The following PHC1 variants were observed in gnomAD, a reference collection of about 807,000 sequenced individuals.
PHC1 encodes the protein polyhomeotic-like protein 1.
PHC1 carries 12 observed loss-of-function variants against 104.3 expected under a neutral mutation model. The observed-to-expected ratio is 0.12, with a 90% CI of 0.07 to 0.19. The LOEUF is 0.19. Ranked by LOEUF, PHC1 falls within the 10% of genes least tolerant of loss-of-function variation. The pLI is 1.00. For missense variants in PHC1, 671 were observed against 1,200.0 expected, an observed-to-expected ratio of 0.56 and a Z score of 6.51; for synonymous variants, 302 against 455.8, an observed-to-expected ratio of 0.66 and a Z score of 4.30.
At chr12:8,923,829 CAAAAA>C (rs67936637) in intron 6 of PHC1, among the ~76,000 whole-genome samples, 3 of 122,466 alleles carry the variant, frequency 2.4e-5, no homozygotes, top group African/African-American at 6.9e-5. Context: ...GACTCCGTCT[CAAAAA>C]AAAAAAAAAA....
Position 8,921,023 on chromosome 12 carries a change from C to A in PHC1, c.264C>A (p.Asn88Lys). The change falls in exon 4 of 15, where the codon AAC becomes AAA. Residue 88 changes from asparagine (N) to lysine (K), a missense_variant. Physicochemically the swap from Asn to Lys is moderately conservative, Grantham distance 94. This residue lies in a region of PHC1 where 237 missense variants were observed against 331.1 expected (regional missense o/e 0.72). Transcript: ENST00000544916. ...CCAGTCGGCAGGCCAGCTCCCCAAACACCAGCACTACACAGCAGCAGACTA... is the reference window on the plus strand; with the variant it reads ...CCAGTCGGCAGGCCAGCTCCCCAAAAACCAGCACTACACAGCAGCAGACTA... ...IAASRQASSPNTSTTQQQTTT... is the reference protein window; with the variant it reads ...IAASRQASSPKTSTTQQQTTT... The A allele has an allele frequency of 6.2e-7, 1 of 1,613,748 alleles. No individual in the cohort carries two copies. The highest frequency in any genetic ancestry group is 1.3e-5 in the African/African-American group (1 of 75,000).
intron 7 of PHC1, 98 bp downstream of exon 7, chr12:8,931,025 TC>T: frequency 7.9e-7 from 1 of 1,267,158 alleles, no homozygotes; most frequent in Non-Finnish European, 1.1e-6. Context: ...TTTTGTTTTT[TC>T]CCCGCTTCTG....
intron 7 of PHC1, 54 bp downstream of exon 7, chr12:8,930,981 C>G: frequency 1.3e-6 from 2 of 1,523,452 alleles, no homozygotes; most frequent in Non-Finnish European, 8.8e-7. Flanking sequence ...TGAAATTTTC[C>G]TTTTTTTCTT....
intron 11 of PHC1, among the ~76,000 whole-genome samples, 195 bp from the exon 12 acceptor site, chr12:8,936,661 G>A (rs780731654): frequency 2.6e-5 from 4 of 152,142 alleles, no homozygotes; most frequent in Non-Finnish European, 4.4e-5. Flanking sequence ...TTAGGAAGAC[G>A]TCATAAAGTT....
At chr12:8,937,020 C>A in intron 12 of PHC1, 56 bp downstream of exon 12, 1 of 1,402,200 alleles carries the variant, frequency 7.1e-7, no homozygotes, top group Non-Finnish European at 1.0e-6. Context: ...TCTAATGTTA[C>A]ACCCCTTCCC....
At chr12:8,930,182 A>C (rs1320578165) in intron 6 of PHC1, among the ~76,000 whole-genome samples, 1 of 152,190 alleles carries the variant, frequency 6.6e-6, no homozygotes, top group Non-Finnish European at 1.5e-5. Context: ...ATAATTGAAG[A>C]GATATTTTGA....
At chr12:8,915,364 C>T (rs1481790864) in intron 1 of PHC1, 2 of 152,330 alleles carry the variant, frequency 1.3e-5, no homozygotes, top group African/African-American at 2.4e-5. Flanking sequence ...TGATTATTAC[C>T]GTGTCTTTGG....
Position 8,939,372 on chromosome 12 carries a change from A to G in PHC1, c.2928A>G (p.Lys976=). 1 of 1,601,982 alleles carries G rather than the reference A, an allele frequency of 6.2e-7. No individual in the cohort carries two copies. Among genetic ancestry groups the G allele is most frequent in the Non-Finnish European group, 8.5e-7 (1 of 1,169,768 alleles). ...EIDGQALLLL[K]EEHLMSAMNI... ...ATGGACAGGCCCTTTTATTACTTAAAGAAGAACATCTTATGAGTGCCATGA... is the reference window on the plus strand; with the variant it reads ...ATGGACAGGCCCTTTTATTACTTAAGGAAGAACATCTTATGAGTGCCATGA... The change falls in exon 15 of 15, where the codon AAA becomes AAG. Residue 976 remains lysine, a synonymous_variant. Coordinates refer to ENST00000544916, the MANE Select transcript of PHC1 (RefSeq NM_004426.3).
At chr12:8,925,486 C>T (rs1316092168) in intron 6 of PHC1, among the ~76,000 whole-genome samples, 1 of 152,132 alleles carries the variant, frequency 6.6e-6, no homozygotes, top group Non-Finnish European at 1.5e-5. Flanking sequence ...CCTAACTTAG[C>T]TTTGGCATGG....
intron 6 of PHC1, among the ~76,000 whole-genome samples, chr12:8,927,909 CTTTCTT>C (rs1945572630): frequency 1.4e-5 from 1 of 69,078 alleles, no homozygotes; most frequent in South Asian, 4.8e-4. Context: ...TTCTTTCTTT[CTTTCTT>C]TTTTTTTTTT....
chr12:8,923,059 C>T (rs1394598499), intron 6 of PHC1, among the ~76,000 whole-genome samples: 1 of 152,206 alleles, frequency 6.6e-6, no homozygotes, highest in Non-Finnish European at 1.5e-5. Flanking sequence ...CACCATCCTT[C>T]TAGTCCTCTG....
chr12:8,934,028 C>G lies in PHC1; in HGVS notation c.2041+16C>G. 4.3e-6 allele frequency: 7 copies of G among 1,613,348 alleles called. No individual in the cohort carries two copies. The highest frequency in any genetic ancestry group is 5.1e-6 in the Non-Finnish European group (6 of 1,179,314). On this transcript the variant is annotated intron_variant, in intron 9 of 14. Transcript: ENST00000544916. ...AGTCTTGGAGGTGAGTAACTGACTT[C>G]TAATGCTGTTGGAGAGCACACAGAG...
rs375827686 is a variant in PHC1 at position 8,932,592 on chromosome 12, C to T, written c.1135C>T (p.Leu379=). ...ATYTQIQPHS[L]IQQQQQIHLQ... ...CTACACACAGATCCAGCCCCATTCACTGATTCAGCAACAGCAACAGATCCA... is the reference window on the plus strand; with the variant it reads ...CTACACACAGATCCAGCCCCATTCATTGATTCAGCAACAGCAACAGATCCA... The change falls in exon 8 of 15, where the codon CTG becomes TTG. Residue 379 remains leucine (L), a synonymous_variant. Coordinates refer to ENST00000544916, the MANE Select transcript of PHC1 (RefSeq NM_004426.3). 3.0e-5 allele frequency: 49 copies of T among 1,614,026 alleles called. No homozygotes were observed. The African/African-American group carries it at 5.3e-4, about 18-fold the overall frequency.
intron 6 of PHC1, among the ~76,000 whole-genome samples, chr12:8,928,788 C>T (rs1314294989): frequency 3.9e-5 from 6 of 152,146 alleles, no homozygotes; most frequent in African/African-American, 4.8e-5. Flanking sequence ...GTAAGGTACT[C>T]GTGCTGTATG....
chr12:8,922,101 A>C (rs1945382969), intron 5 of PHC1, among the ~76,000 whole-genome samples: 1 of 152,188 alleles, frequency 6.6e-6, no homozygotes, highest in African/African-American at 2.4e-5. Context: ...GGCGTGAACC[A>C]CCGCGCCCGG....
chr12:8,930,923 C>T lies in PHC1; in HGVS notation c.1101C>T (p.Ser367=). 5 of 1,607,238 alleles carry T rather than the reference C, an allele frequency of 3.1e-6. No homozygotes were observed. The highest frequency in any genetic ancestry group is 1.1e-5 in the South Asian group (1 of 90,448). The change falls in exon 7 of 15, where the codon AGC becomes AGT. Residue 367 remains serine (S), a synonymous_variant. Coordinates refer to ENST00000544916, the MANE Select transcript of PHC1 (RefSeq NM_004426.3). ...ATPAPSQTLI[S]SATYTQIQPH... is the part of the protein sequence containing the mutation. Reference sequence around the variant, plus strand: ...CTGCGCCCAGCCAGACACTTATTAGCTCAGGTAAATTGTCATTCCTCATGT... The same window carrying T: ...CTGCGCCCAGCCAGACACTTATTAGTTCAGGTAAATTGTCATTCCTCATGT...
chr12:8,934,165 A>G, intron 9 of PHC1, 102 bp from the exon 10 acceptor site: 1 of 1,290,594 alleles, frequency 7.7e-7, no homozygotes, highest in East Asian at 2.3e-5. Context: ...GTGAATTGTC[A>G]AGGGTGGACA....
chr12:8,933,916 A>G lies in PHC1; in HGVS notation c.1945A>G (p.Arg649Gly). Reference sequence around the variant, plus strand: ...ACGCAAGGCTGACTCTGAGGAGGAGAGAGATGATGTCTCCACATTGGGTTC... The same window carrying G: ...ACGCAAGGCTGACTCTGAGGAGGAGGGAGATGATGTCTCCACATTGGGTTC... ...VKRKADSEEE[R>G]DDVSTLGSML... Residue 649 changes from arginine to glycine, a missense_variant, in exon 9 of 15, where the codon AGA (arginine) becomes GGA (glycine). Arg to Gly is a moderately radical substitution (Grantham distance 125, BLOSUM62 -2). This residue lies in a region of PHC1 where 95 missense variants were observed against 108.8 expected (regional missense o/e 0.87). Transcript: ENST00000544916. The G allele has an allele frequency of 6.2e-7, 1 of 1,612,372 alleles. No individual in the cohort carries two copies. The highest frequency in any genetic ancestry group is 8.5e-7 in the Non-Finnish European group (1 of 1,178,376).
chr12:8,939,234 A>G (rs933737790), intron 14 of PHC1, 71 bp from the exon 15 acceptor site: 6 of 1,560,810 alleles, frequency 3.8e-6, no homozygotes, highest in African/African-American at 1.4e-5. Flanking sequence ...TCATTGCTAG[A>G]CCTCAGTTTC....
Sources: gnomAD v4.1 joint callset for allele counts (sites outside exome capture counted in the v4.1 genomes callset) on GRCh38, gnomAD v4.1.1 for gene constraint, gnomAD v4.1.1 regional missense constraint, MANE v1.5 for transcripts, NCBI Gene and HGNC (gene_info 2026-07-23, HGNC 2026-07-21) for gene names.